The following INPP5D variants were observed in gnomAD, a reference collection of about 807,000 sequenced individuals.
The protein encoded by INPP5D is inositol polyphosphate-5-phosphatase D, also known as phosphatidylinositol 3,4,5-trisphosphate 5-phosphatase 1.
INPP5D carries 33 observed loss-of-function variants against 122.9 expected under a neutral mutation model. That is an observed-to-expected ratio of 0.27 (90% CI 0.20 to 0.36). The LOEUF (loss-of-function observed/expected upper bound fraction) is 0.36, where lower values mean the gene tolerates loss of function less well. INPP5D is among the 10% of genes least tolerant of loss of function. INPP5D has a pLI of 1.00. For missense variants in INPP5D, 1,053 were observed against 1,412.7 expected, an observed-to-expected ratio of 0.75 and a Z score of 4.08; for synonymous variants, 584 against 576.2, an observed-to-expected ratio of 1.01 and a Z score of -0.19.
In INPP5D at chr2:233,109,744, A is replaced by ATT. The variant is rs1172362117; in HGVS notation, c.199-12349_199-12348dup. Among the ~76,000 whole-genome samples the ATT allele has an allele frequency of 4.4e-3, 579 of 131,662 alleles. 2 individuals carry two copies. Among genetic ancestry groups the ATT allele is most frequent in the Middle Eastern group, 0.012 (3 of 244 alleles). 86.4% of individuals were successfully genotyped at this position (131,662 alleles called of 152,430 possible). A position where few individuals can be genotyped will look rare whatever the true frequency, so the allele number is the denominator to read the frequency against. ...CAGGCGCCTGCCACCACGCCCAGCT[A>ATT]TTTTTTTTTTTTTTTGTATCTTTAG... On this transcript the variant is annotated intron_variant, in intron 2 of 26. Transcript: ENST00000445964.
chr2:233,098,386 C>G (rs1692207105), intron 2 of INPP5D, among the ~76,000 whole-genome samples: 1 of 152,176 alleles, frequency 6.6e-6, no homozygotes, highest in African/African-American at 2.4e-5. Flanking sequence ...CCAGCTCAAC[C>G]CACTGCGAGG....
At chr2:233,174,810 A>G (rs1694577527) in intron 17 of INPP5D, among the ~76,000 whole-genome samples, 1 of 142,936 alleles carries the variant, frequency 7.0e-6, no homozygotes, top group South Asian at 2.3e-4. Context: ...AAAAAAAAAA[A>G]GGACTTAACT....
At chr2:233,181,929 C>G (rs577518106) in intron 18 of INPP5D, among the ~76,000 whole-genome samples, 1 of 152,262 alleles carries the variant, frequency 6.6e-6, no homozygotes, top group East Asian at 1.9e-4. Context: ...AACCTCATCT[C>G]TACAAAATGC....
At chr2:233,120,313 G>A (rs1055983405) in intron 2 of INPP5D, among the ~76,000 whole-genome samples, 72 of 152,094 alleles carry the variant, frequency 4.7e-4, no homozygotes, top group African/African-American at 1.7e-3. Context: ...GTGAAACCCC[G>A]TCTCTACTAA....
At chr2:233,110,837 A>G (rs1329001909) in intron 2 of INPP5D, among the ~76,000 whole-genome samples, 1 of 152,022 alleles carries the variant, frequency 6.6e-6, no homozygotes, top group African/African-American at 2.4e-5. Context: ...AGGTAGGAGA[A>G]TTGCTTGAAC....
At chr2:233,080,175 C>T (rs1691636670) in intron 2 of INPP5D, among the ~76,000 whole-genome samples, 1 of 152,124 alleles carries the variant, frequency 6.6e-6, no homozygotes, top group Admixed American at 6.6e-5. Context: ...AATGATCTGC[C>T]CACCTCGGCC....
At chr2:233,062,934 C>T (rs1443409709) in intron 1 of INPP5D, among the ~76,000 whole-genome samples, 1 of 151,946 alleles carries the variant, frequency 6.6e-6, no homozygotes, top group African/African-American at 2.4e-5. Context: ...TCCAACACCT[C>T]ATTTCTTGAA....
At chr2:233,181,839 G>A (rs1559338841) in intron 18 of INPP5D, among the ~76,000 whole-genome samples, 1 of 152,178 alleles carries the variant, frequency 6.6e-6, no homozygotes, top group South Asian at 2.1e-4. Context: ...GCTCACGTCT[G>A]TAATCCCAGC....
intron 6 of INPP5D, chr2:233,145,414 G>A: frequency 2.3e-6 from 1 of 443,180 alleles, no homozygotes; most frequent in South Asian, 1.6e-5. Context: ...TTCTCACGGA[G>A]CCTCCATTCA....
At chr2:233,162,414 T>A (rs1485567156) in intron 11 of INPP5D, among the ~76,000 whole-genome samples, 1 of 151,428 alleles carries the variant, frequency 6.6e-6, no homozygotes, top group Non-Finnish European at 1.5e-5. Flanking sequence ...GTGTAATTAT[T>A]ATATTAAATA....
intron 13 of INPP5D, among the ~76,000 whole-genome samples, chr2:233,167,937 G>A (rs373957050): frequency 6.8e-6 from 1 of 147,580 alleles, no homozygotes; most frequent in East Asian, 2.0e-4. Context: ...CCTGGGAGAC[G>A]GAGGTTGCAG....
At chr2:233,138,026 A>ATGAGATTATATTATATTAATAATGTAG (rs1271368866) in intron 5 of INPP5D, among the ~76,000 whole-genome samples, 1 of 147,030 alleles carries the variant, frequency 6.8e-6, no homozygotes, top group Non-Finnish European at 1.5e-5. Context: ...TAATAATGTA[A>ATGAGATTATATTATATTAATAATGTAG]TGAGAAAAAA....
chr2:233,090,016 TGTGGGGTG>T (rs1407644676), intron 2 of INPP5D, among the ~76,000 whole-genome samples: 3 of 152,282 alleles, frequency 2.0e-5, no homozygotes, highest in Middle Eastern at 3.4e-3. Context: ...ATCCTCGCAT[TGTGGGGTG>T]GTAGGCGACC....
At chr2:233,138,308 A>G in intron 5 of INPP5D, among the ~76,000 whole-genome samples, 1 of 72,556 alleles carries the variant, frequency 1.4e-5, no homozygotes, top group East Asian at 2.0e-4. Context: ...TTGTCTAAAA[A>G]AAAAAAAAAA....
intron 11 of INPP5D, among the ~76,000 whole-genome samples, chr2:233,162,345 A>AT (rs1694219663): frequency 1.3e-5 from 2 of 152,234 alleles, no homozygotes; most frequent in Non-Finnish European, 2.9e-5. Flanking sequence ...ATAAATACTA[A>AT]ATATATATGC....
At chr2:233,201,079 GTC>G (rs571404991) in intron 25 of INPP5D, among the ~76,000 whole-genome samples, 5 of 152,176 alleles carry the variant, frequency 3.3e-5, no homozygotes, top group African/African-American at 9.6e-5. Flanking sequence ...CAGCTCAGCT[GTC>G]TCTCTCTCTG....
chr2:233,107,338 C>G (rs1246898768), intron 2 of INPP5D, among the ~76,000 whole-genome samples: 1 of 152,134 alleles, frequency 6.6e-6, no homozygotes, highest in East Asian at 1.9e-4. Context: ...GTACTCCAGG[C>G]CCCCATTGGC....
At chr2:233,062,985 T>C (rs1170916456) in intron 1 of INPP5D, among the ~76,000 whole-genome samples, 1 of 143,876 alleles carries the variant, frequency 7.0e-6, no homozygotes, top group African/African-American at 2.5e-5. Context: ...GGAAGGGCAT[T>C]AAAAAAAAAA....
chr2:233,204,553 C>T lies in INPP5D; in HGVS notation c.3403C>T (p.Pro1135Ser), dbSNP rs1403324654. 2.5e-6 allele frequency: 4 copies of T among 1,572,972 alleles called. No homozygotes were observed. In the African/African-American group the frequency reaches 5.4e-5, roughly 21 times the overall value. ...SRSEINQQTP[P>S]TPTPRPPLPV... ...ATCGGAAATCAACCAGCAGACCCCG[C>T]CCACCCCGACGCCGCGGCCGCCGCT... The change falls in exon 26 of 27, where the codon CCC becomes TCC. Residue 1135 changes from proline to serine, a missense_variant. Physicochemically the swap from Pro to Ser is moderately conservative, Grantham distance 74. Coordinates refer to ENST00000445964, the MANE Select transcript of INPP5D (RefSeq NM_001017915.3).
Sources: allele counts gnomAD v4.1 joint callset (sites outside exome capture counted in the v4.1 genomes callset), GRCh38; gene constraint gnomAD v4.1.1; transcripts MANE v1.5; gene names NCBI Gene and HGNC (gene_info 2026-07-23, HGNC 2026-07-21).